The following ZNF18 variants were observed in gnomAD, a reference collection of about 807,000 sequenced individuals.
ZNF18 encodes the protein heart development-specific gene 1 protein.
A neutral mutation model predicts 58.1 loss-of-function variants in ZNF18; 42 were observed. The observed-to-expected ratio is 0.72, with a 90% CI of 0.56 to 0.93. ZNF18 has a LOEUF of 0.93. Among genes scored for constraint, ZNF18 ranks in the 40% least tolerant of loss-of-function variants. ZNF18 has a pLI of 0.00. For synonymous variants in ZNF18, 231 were observed against 239.8 expected, an observed-to-expected ratio of 0.96 and a Z score of 0.34; for missense variants, 540 against 644.2, an observed-to-expected ratio of 0.84 and a Z score of 1.75.
chr17:11,997,638 C>T (rs1023030887), upstream of ZNF18: 5 of 152,388 alleles, frequency 3.3e-5, no homozygotes, highest in East Asian at 1.9e-4. Context: ...AGCGAGGTTC[C>T]CGAGCCAACG....
intron 1 of ZNF18, among the ~76,000 whole-genome samples, chr17:11,996,556 T>C (rs1968479918): frequency 6.6e-6 from 1 of 152,154 alleles, no homozygotes; most frequent in African/African-American, 2.4e-5. Context: ...GTATTAAAAA[T>C]TTAATAGAGT....
chr17:12,002,475 G>C (rs963711664), upstream of ZNF18: 2 of 152,218 alleles, frequency 1.3e-5, no homozygotes, highest in South Asian at 2.1e-4. Context: ...ACATTGATGA[G>C]AGTCAGACAT....
At chr17:12,021,126 C>T in the ZNF18 span, 9 of 494,366 alleles carry the variant, frequency 1.8e-5, no homozygotes, top group South Asian at 1.0e-4. Flanking sequence ...GCTTCTCCCT[C>T]TCTCCCTCCC....
At chr17:12,010,419 CTT>C in the ZNF18 span, among the ~76,000 whole-genome samples, 15 of 145,684 alleles carry the variant, frequency 1.0e-4, no homozygotes, top group African/African-American at 2.8e-4. Context: ...TGTTTCTGAA[CTT>C]TTTTTTTTTT....
intron 1 of ZNF18, among the ~76,000 whole-genome samples, chr17:11,996,187 C>G (rs918839288): frequency 6.6e-6 from 1 of 152,168 alleles, no homozygotes; most frequent in South Asian, 2.1e-4. Context: ...ACAGCATTAT[C>G]AAACCACCTG....
the ZNF18 span, among the ~76,000 whole-genome samples, chr17:12,014,702 T>C: frequency 1.3e-5 from 2 of 152,170 alleles, no homozygotes; most frequent in Admixed American, 6.6e-5. Context: ...TTCGGGATGA[T>C]AAAAGTGTCC....
At position 11,992,768 on chromosome 17, in the gene ZNF18, G is replaced by A; in HGVS notation, c.62C>T (p.Ser21Phe). Residue 21 changes from serine to phenylalanine, a missense_variant, in exon 2 of 7, where the codon TCC becomes TTC. Ser to Phe is a radical substitution (Grantham distance 155). Transcript: ENST00000580306. ...GGCAGCATCTGATTCTGAGAACTGG[G>A]AGTCCTCGGCCTTCGCCAGCGATGG... ...LLPSLAKAEDSQFSESDAALQ... is the reference protein window; with the variant it reads ...LLPSLAKAEDFQFSESDAALQ... 1 of 1,614,186 alleles carries A rather than the reference G, an allele frequency of 6.2e-7. No homozygotes were observed. The highest frequency in any genetic ancestry group is 8.5e-7 in the Non-Finnish European group (1 of 1,180,048).
At chr17:12,007,299 G>C in the ZNF18 span, among the ~76,000 whole-genome samples, 1 of 152,110 alleles carries the variant, frequency 6.6e-6, no homozygotes, top group Non-Finnish European at 1.5e-5. Flanking sequence ...AAGTCTTTAG[G>C]CTTCTTTATC....
At chr17:11,997,959 C>T (rs966222193), upstream of ZNF18, among the ~76,000 whole-genome samples, 8 of 152,290 alleles carry the variant, frequency 5.3e-5, no homozygotes, top group African/African-American at 1.7e-4. Context: ...CCACTCTCAT[C>T]AGCTCTGCAT....
At chr17:12,021,141 T>G in the ZNF18 span, 9 of 432,394 alleles carry the variant, frequency 2.1e-5, no homozygotes, top group Non-Finnish European at 2.9e-5. Flanking sequence ...CCTCCCCGGC[T>G]TCCCGCCCCG....
the ZNF18 span, among the ~76,000 whole-genome samples, chr17:12,016,630 C>T: frequency 2.1e-5 from 3 of 145,486 alleles, no homozygotes; most frequent in Non-Finnish European, 4.6e-5. Flanking sequence ...GTGCCCAGTC[C>T]TTTTTTTTTT....
chr17:12,000,838 T>G (rs1303307012), upstream of ZNF18, among the ~76,000 whole-genome samples: 1 of 152,194 alleles, frequency 6.6e-6, no homozygotes, highest in South Asian at 2.1e-4. Flanking sequence ...CTTGACCTTA[T>G]AAGAGTGGTT....
the ZNF18 span, chr17:12,021,211 CG>C: frequency 3.1e-6 from 1 of 321,020 alleles, no homozygotes; most frequent in Non-Finnish European, 5.6e-6. Flanking sequence ...GCCCCGGCCG[CG>C]GCCTCTGCCT....
At chr17:12,010,439 T>C in the ZNF18 span, among the ~76,000 whole-genome samples, 151,562 of 151,734 alleles carry the variant, frequency 1, 75,695 homozygotes, top group Middle Eastern at 1. Flanking sequence ...TTTTTCCAGA[T>C]GGAGTCTTGC....
At chr17:12,014,654 T>C in the ZNF18 span, among the ~76,000 whole-genome samples, 1 of 151,998 alleles carries the variant, frequency 6.6e-6, no homozygotes, top group Non-Finnish European at 1.5e-5. Context: ...GCAGTTGGAG[T>C]CCAATGGGGA....
At chr17:12,011,195 G>T in the ZNF18 span, 2 of 551,484 alleles carry the variant, frequency 3.6e-6, no homozygotes. Context: ...TATATCGGGT[G>T]CCTCTCCTCT....
the ZNF18 span, among the ~76,000 whole-genome samples, chr17:12,012,293 CA>C: frequency 2.6e-5 from 4 of 152,244 alleles, no homozygotes; most frequent in South Asian, 6.2e-4. Flanking sequence ...ATAGTCATCC[CA>C]TATCACTACA....
At chr17:11,999,741 G>C (rs7221023), upstream of ZNF18, among the ~76,000 whole-genome samples, 1 of 152,178 alleles carries the variant, frequency 6.6e-6, no homozygotes, top group Admixed American at 6.5e-5. Context: ...GTAATTATAG[G>C]TGTTGTGAAG....
At position 11,984,094 on chromosome 17, in the gene ZNF18, G is replaced by C. The variant is rs1967558728; in HGVS notation, c.751+19C>G. On this transcript the variant is annotated intron_variant, in intron 5 of 6. Coordinates refer to ENST00000580306, the MANE Select transcript of ZNF18 (RefSeq NM_001303281.2). ...CCAGTCCTTCTACCTCCTTCCATCAGACTAACCCACACCCTCACCTCCTGA... is the reference window on the plus strand; with the variant it reads ...CCAGTCCTTCTACCTCCTTCCATCACACTAACCCACACCCTCACCTCCTGA... 1 of 1,601,592 alleles carries C rather than the reference G, an allele frequency of 6.2e-7. No homozygotes were observed. The highest frequency in any genetic ancestry group is 1.4e-5 in the African/African-American group (1 of 73,786).
Sources: allele counts gnomAD v4.1 joint callset (sites outside exome capture counted in the v4.1 genomes callset), GRCh38; gene constraint gnomAD v4.1.1; transcripts MANE v1.5; gene names NCBI Gene and HGNC (gene_info 2026-07-23, HGNC 2026-07-21).